Variants in ARHGAP24 observed in about 807,000 individuals in gnomAD.
ARHGAP24 encodes the protein rho GTPase-activating protein 24.
Under a neutral mutation model 76.4 loss-of-function variants are expected in ARHGAP24, and 50 were observed. The observed-to-expected ratio is 0.65, with a 90% CI of 0.52 to 0.83. The LOEUF is 0.83. Among genes scored for constraint, ARHGAP24 ranks in the 40% least tolerant of loss-of-function variants. ARHGAP24 has a pLI of 0.00. For synonymous variants in ARHGAP24, 345 were observed against 323.3 expected, an observed-to-expected ratio of 1.07 and a Z score of -0.72; for missense variants, 930 against 914.2, an observed-to-expected ratio of 1.02 and a Z score of -0.22.
intron 5 of ARHGAP24, among the ~76,000 whole-genome samples, chr4:85,971,100 A>G (rs1560754901): frequency 6.6e-6 from 1 of 152,204 alleles, no homozygotes; most frequent in East Asian, 1.9e-4. Flanking sequence ...AGAACATTCT[A>G]AGGATTCCCA....
At chr4:85,839,838 G>GTT (rs1553934128) in intron 3 of ARHGAP24, among the ~76,000 whole-genome samples, 5 of 78,694 alleles carry the variant, frequency 6.4e-5, no homozygotes, top group Admixed American at 1.8e-4. Flanking sequence ...TCTTTTTTCT[G>GTT]TTTTCTTTTT....
intron 9 of ARHGAP24, among the ~76,000 whole-genome samples, chr4:85,999,166 G>A (rs990220910): frequency 2.6e-5 from 4 of 152,086 alleles, no homozygotes; most frequent in Non-Finnish European, 4.4e-5. Flanking sequence ...TGTAAGGGTT[G>A]TCCTTCTCAG....
intron 1 of ARHGAP24, among the ~76,000 whole-genome samples, chr4:85,487,275 T>A (rs1291707281): frequency 1.3e-4 from 16 of 122,478 alleles, no homozygotes; most frequent in African/African-American, 4.4e-4. Flanking sequence ...AAATATATAT[T>A]TATTTTATAT....
intron 4 of ARHGAP24, among the ~76,000 whole-genome samples, chr4:85,928,395 G>A (rs1408660468): frequency 3.3e-5 from 5 of 151,930 alleles, no homozygotes; most frequent in African/African-American, 4.8e-5. Flanking sequence ...AATATTTATG[G>A]AAGTGTCTAG....
intron 1 of ARHGAP24, among the ~76,000 whole-genome samples, chr4:85,512,183 C>T (rs1237468899): frequency 1.3e-5 from 2 of 152,188 alleles, no homozygotes; most frequent in South Asian, 2.1e-4. Context: ...ATTTCCTCCA[C>T]GAAGTAACTA....
At chr4:85,912,853 AT>A (rs563433096) in intron 3 of ARHGAP24, among the ~76,000 whole-genome samples, 1,809 of 151,212 alleles carry the variant, frequency 0.012, 38 homozygotes, top group African/African-American at 0.039. Context: ...GCTCAATGCT[AT>A]TTTTTTTTCT....
intron 2 of ARHGAP24, among the ~76,000 whole-genome samples, chr4:85,648,703 G>A (rs1192025892): frequency 6.6e-6 from 1 of 152,054 alleles, no homozygotes; most frequent in Non-Finnish European, 1.5e-5. Context: ...GAGATAGCTT[G>A]TGATTTATGT....
At chr4:85,819,650 G>A (rs529819850) in intron 3 of ARHGAP24, among the ~76,000 whole-genome samples, 7 of 152,180 alleles carry the variant, frequency 4.6e-5, no homozygotes, top group Non-Finnish European at 1.0e-4. Flanking sequence ...CAGGTGCGGT[G>A]GCTCATGCCT....
At chr4:85,945,948 A>G (rs1453344806) in intron 5 of ARHGAP24, among the ~76,000 whole-genome samples, 1 of 152,080 alleles carries the variant, frequency 6.6e-6, no homozygotes, top group African/African-American at 2.4e-5. Context: ...TTTATATAGG[A>G]AAAAGGTTTA....
intron 3 of ARHGAP24, among the ~76,000 whole-genome samples, chr4:85,762,987 T>C (rs1726788399): frequency 6.6e-6 from 1 of 152,230 alleles, no homozygotes; most frequent in Non-Finnish European, 1.5e-5. Context: ...AGTCTTCTTT[T>C]GGACTATTGA....
chr4:85,700,407 ATAAATAAATAAAG>A (rs371121674), intron 2 of ARHGAP24, among the ~76,000 whole-genome samples: 6 of 141,850 alleles, frequency 4.2e-5, no homozygotes, highest in Non-Finnish European at 6.1e-5. Flanking sequence ...AAAAAAAAAA[ATAAATAAATAAAG>A]AAGAAGAAGA....
chr4:85,937,581 C>T (rs906692490), intron 4 of ARHGAP24, among the ~76,000 whole-genome samples: 1 of 152,026 alleles, frequency 6.6e-6, no homozygotes, highest in Non-Finnish European at 1.5e-5. Context: ...ACCCAGACAA[C>T]TATTAAAGAG....
chr4:85,724,489 GTGTATATATATATATATA>G (rs59725234), intron 3 of ARHGAP24, among the ~76,000 whole-genome samples: 7,980 of 131,378 alleles, frequency 0.061, 361 homozygotes, highest in African/African-American at 0.098. Context: ...TTTTCCATGT[GTGTATATATATATATATA>G]TATATATATA....
At chr4:85,722,865 AT>A (rs1467897788) in intron 3 of ARHGAP24, among the ~76,000 whole-genome samples, 2 of 152,136 alleles carry the variant, frequency 1.3e-5, no homozygotes, top group Non-Finnish European at 2.9e-5. Flanking sequence ...AATAAAATGT[AT>A]TTTTCCTATA....
intron 3 of ARHGAP24, among the ~76,000 whole-genome samples, chr4:85,852,148 C>G (rs1394044571): frequency 6.6e-6 from 1 of 152,132 alleles, no homozygotes; most frequent in Non-Finnish European, 1.5e-5. Flanking sequence ...TTGTTTGTTT[C>G]ATTTTACTCT....
chr4:85,936,970 T>A (rs1736670517), intron 4 of ARHGAP24, among the ~76,000 whole-genome samples: 1 of 152,176 alleles, frequency 6.6e-6, no homozygotes, highest in Non-Finnish European at 1.5e-5. Context: ...CATTGTTGAC[T>A]GAATGGAAGA....
chr4:85,925,771 A>T (rs1257079511), intron 4 of ARHGAP24, among the ~76,000 whole-genome samples: 1 of 152,148 alleles, frequency 6.6e-6, no homozygotes. Flanking sequence ...TCCCCTATGG[A>T]TGAGTGGCTA....
chr4:85,793,242 G>A (rs367582571), intron 3 of ARHGAP24, among the ~76,000 whole-genome samples: 12 of 152,184 alleles, frequency 7.9e-5, no homozygotes, highest in East Asian at 5.8e-4. Flanking sequence ...ACTCTAAAAT[G>A]TATATTTCGA....
chr4:85,980,393 G>A (rs1467963255), intron 8 of ARHGAP24, among the ~76,000 whole-genome samples: 1 of 152,018 alleles, frequency 6.6e-6, no homozygotes, highest in African/African-American at 2.4e-5. Context: ...TTTCTTCCAA[G>A]GAATCCTGGT....
Sources: allele counts gnomAD v4.1 joint callset (sites outside exome capture counted in the v4.1 genomes callset), GRCh38; gene constraint gnomAD v4.1.1; transcripts MANE v1.5; gene names NCBI Gene and HGNC (gene_info 2026-07-23, HGNC 2026-07-21).